Variants in MICAL2 observed in about 807,000 individuals in gnomAD.
MICAL2 encodes [F-actin]-monooxygenase MICAL2.
Under a neutral mutation model 127.3 loss-of-function variants are expected in MICAL2, and 77 were observed. The observed-to-expected ratio is 0.60, with a 90% CI of 0.50 to 0.73. The LOEUF (loss-of-function observed/expected upper bound fraction) is 0.73, where lower values mean the gene tolerates loss of function less well. Ranked by LOEUF, MICAL2 falls within the 30% of genes least tolerant of loss-of-function variation. MICAL2 has a pLI of 0.00. For synonymous variants in MICAL2, 570 were observed against 551.1 expected, an observed-to-expected ratio of 1.03 and a Z score of -0.48; for missense variants, 1,351 against 1,434.4, an observed-to-expected ratio of 0.94 and a Z score of 0.94.
At chr11:12,159,190 C>T (rs1854510239) in intron 2 of MICAL2, among the ~76,000 whole-genome samples, 1 of 152,186 alleles carries the variant, frequency 6.6e-6, no homozygotes, top group South Asian at 2.1e-4. Context: ...TCCACTGGAG[C>T]CCGAAGACGA....
At chr11:12,302,645 A>G (rs1845090318) in intron 29 of MICAL2, among the ~76,000 whole-genome samples, 2 of 151,860 alleles carry the variant, frequency 1.3e-5, no homozygotes, top group South Asian at 4.2e-4. Context: ...TCACTCTCTA[A>G]TGATGTCTTT....
At chr11:12,343,141 C>G (rs1448552744) in intron 32 of MICAL2, among the ~76,000 whole-genome samples, 1 of 152,144 alleles carries the variant, frequency 6.6e-6, no homozygotes, top group African/African-American at 2.4e-5. Context: ...GGCGCCGTGG[C>G]TCACACCTGT....
chr11:12,304,141 A>G (rs562718073), intron 29 of MICAL2, among the ~76,000 whole-genome samples: 1 of 152,338 alleles, frequency 6.6e-6, no homozygotes, highest in South Asian at 2.1e-4. Flanking sequence ...TGTGGCTATT[A>G]GAAAATTTTT....
chr11:12,160,104 G>T (rs1424930933), intron 2 of MICAL2, among the ~76,000 whole-genome samples: 1 of 152,160 alleles, frequency 6.6e-6, no homozygotes, highest in Non-Finnish European at 1.5e-5. Flanking sequence ...AGGCACCTCG[G>T]AAGCTCTCCG....
chr11:12,284,475 G>A (rs920414677), intron 2 of MICAL2, among the ~76,000 whole-genome samples: 1 of 151,968 alleles, frequency 6.6e-6, no homozygotes, highest in Non-Finnish European at 1.5e-5. Flanking sequence ...CCACCCTATT[G>A]TTCCCGTTGT....
chr11:12,310,209 G>A (rs890542618), intron 29 of MICAL2, among the ~76,000 whole-genome samples: 1 of 151,978 alleles, frequency 6.6e-6, no homozygotes, highest in Non-Finnish European at 1.5e-5. Context: ...TTTTGCTTTT[G>A]TTAGCTGTGC....
downstream of MICAL2, chr11:12,292,414 C>A: frequency 8.9e-7 from 1 of 1,122,884 alleles, no homozygotes; most frequent in Non-Finnish European, 1.3e-6. Context: ...AAGTGCAAAG[C>A]CAGCGCCAGA....
intron 31 of MICAL2, among the ~76,000 whole-genome samples, chr11:12,326,736 G>C (rs565603124): frequency 6.4e-4 from 98 of 152,298 alleles, no homozygotes; most frequent in African/African-American, 2.2e-3. Context: ...GGAGGTATAG[G>C]CTGGTTCTTC....
chr11:12,299,671 T>A (rs930016326), intron 29 of MICAL2, among the ~76,000 whole-genome samples: 4 of 152,220 alleles, frequency 2.6e-5, no homozygotes, highest in African/African-American at 9.6e-5. Context: ...ATAAACGTTT[T>A]TATTGCAGTA....
At chr11:12,302,082 A>G (rs1335674898) in intron 29 of MICAL2, among the ~76,000 whole-genome samples, 1 of 152,184 alleles carries the variant, frequency 6.6e-6, no homozygotes, top group African/African-American at 2.4e-5. Flanking sequence ...TGGCCATCTT[A>G]GTGATTGGGT....
At chr11:12,117,352 C>A (rs1423767065) in intron 1 of MICAL2, among the ~76,000 whole-genome samples, 1 of 152,220 alleles carries the variant, frequency 6.6e-6, no homozygotes, top group Non-Finnish European at 1.5e-5. Flanking sequence ...AGCCTGGAAG[C>A]CCAGCACATG....
intron 29 of MICAL2, among the ~76,000 whole-genome samples, chr11:12,319,273 T>A (rs1864264605): frequency 6.6e-6 from 1 of 152,134 alleles, no homozygotes; most frequent in Admixed American, 6.5e-5. Context: ...GGCTCCAACT[T>A]TTTTGCATTC....
upstream of MICAL2, among the ~76,000 whole-genome samples, chr11:12,271,618 C>A (rs979107253): frequency 2.0e-5 from 3 of 152,192 alleles, no homozygotes; most frequent in African/African-American, 7.2e-5. Context: ...CATATGGGCA[C>A]TCGATGAGTC....
chr11:12,324,177 G>A, intron 31 of MICAL2: 1 of 1,327,780 alleles, frequency 7.5e-7, no homozygotes. Flanking sequence ...AAAGCAGGCT[G>A]GAGAAAGGTC....
intron 3 of MICAL2, among the ~76,000 whole-genome samples, chr11:12,162,688 A>G (rs1470412580): frequency 6.6e-6 from 1 of 152,226 alleles, no homozygotes; most frequent in Admixed American, 6.5e-5. Flanking sequence ...CCCCACTTCT[A>G]TTATCCCTGC....
intron 25 of MICAL2, 179 bp from the exon 26 acceptor site, chr11:12,259,616 T>A: frequency 3.9e-6 from 2 of 513,264 alleles, no homozygotes; most frequent in Non-Finnish European, 6.8e-6. Flanking sequence ...TATGGTCAGT[T>A]GGCCCCTAGA....
At chr11:12,235,864 G>A (rs957107119) in intron 15 of MICAL2, among the ~76,000 whole-genome samples, 2 of 152,210 alleles carry the variant, frequency 1.3e-5, no homozygotes, top group African/African-American at 4.8e-5. Flanking sequence ...CCCTGCCTAT[G>A]TCACCGGGAT....
At chr11:12,287,554 G>A (rs896727338), downstream of MICAL2, among the ~76,000 whole-genome samples, 10 of 152,062 alleles carry the variant, frequency 6.6e-5, no homozygotes, top group African/African-American at 1.4e-4. Flanking sequence ...TCAGATTAAC[G>A]GCCTCACACA....
At chr11:12,322,201 G>A (rs1311074525) in intron 30 of MICAL2, among the ~76,000 whole-genome samples, 4 of 152,130 alleles carry the variant, frequency 2.6e-5, no homozygotes, top group Non-Finnish European at 5.9e-5. Context: ...ACGTAGGTTA[G>A]TATAATGGAA....
Sources: allele counts gnomAD v4.1 joint callset (sites outside exome capture counted in the v4.1 genomes callset), GRCh38; gene constraint gnomAD v4.1.1; transcripts MANE v1.5; gene names NCBI Gene and HGNC (gene_info 2026-07-23, HGNC 2026-07-21).